Variants in FHIT observed in about 807,000 individuals in gnomAD.
FHIT encodes fragile histidine triad diadenosine triphosphatase.
In FHIT, 19 loss-of-function variants were observed where a neutral mutation model predicts 17.9. The ratio of observed to expected loss-of-function variants is 1.06; its 90% CI spans 0.74 to 1.56. The LOEUF is 1.56. Ranked by LOEUF, FHIT falls within the 40% of genes most tolerant of loss-of-function variation. The pLI, the probability that FHIT is intolerant of heterozygous loss-of-function variation, is 0.00. For missense variants in FHIT, 248 were observed against 189.2 expected (o/e 1.31, Z -1.82); for synonymous variants, 81 against 69.7 (o/e 1.16, Z -0.81).
At chr3:60,680,412 T>A (rs2040718995) in intron 4 of FHIT, among the ~76,000 whole-genome samples, 1 of 152,190 alleles carries the variant, frequency 6.6e-6, no homozygotes, top group Non-Finnish European at 1.5e-5. Context: ...TTCTGATTAC[T>A]TGTTTGTATT....
At chr3:60,199,560 G>T (rs890697330) in intron 5 of FHIT, among the ~76,000 whole-genome samples, 4 of 152,002 alleles carry the variant, frequency 2.6e-5, no homozygotes, top group Non-Finnish European at 5.9e-5. Flanking sequence ...AATGAAGAGG[G>T]GTAATAGCGA....
At chr3:59,918,394 A>G (rs1247052497) in intron 8 of FHIT, among the ~76,000 whole-genome samples, 1 of 152,210 alleles carries the variant, frequency 6.6e-6, no homozygotes, top group Non-Finnish European at 1.5e-5. Flanking sequence ...GTATGGCGAT[A>G]TAGTAGAGTT....
chr3:60,561,224 C>A, intron 4 of FHIT, among the ~76,000 whole-genome samples: 1 of 151,854 alleles, frequency 6.6e-6, no homozygotes, highest in Non-Finnish European at 1.5e-5. Context: ...CAGATAGACG[C>A]TAAGGTAGGA....
intron 4 of FHIT, among the ~76,000 whole-genome samples, chr3:60,736,376 T>TG (rs200807483): frequency 2.0e-5 from 3 of 148,700 alleles, no homozygotes; most frequent in East Asian, 2.0e-4. Context: ...AGCCAAAATG[T>TG]GGGAAAAAAA....
chr3:61,197,997 C>A (rs1011218616), intron 2 of FHIT, among the ~76,000 whole-genome samples: 1 of 152,132 alleles, frequency 6.6e-6, no homozygotes, highest in Non-Finnish European at 1.5e-5. Flanking sequence ...GAACTCTGTA[C>A]TTTTTGTAAT....
At chr3:60,961,586 A>C (rs911470337) in intron 3 of FHIT, among the ~76,000 whole-genome samples, 1 of 152,132 alleles carries the variant, frequency 6.6e-6, no homozygotes, top group Non-Finnish European at 1.5e-5. Context: ...TCTTTAATCC[A>C]CCTTGAATTA....
intron 4 of FHIT, among the ~76,000 whole-genome samples, chr3:60,570,510 T>C (rs867280298): frequency 6.6e-6 from 1 of 152,054 alleles, no homozygotes; most frequent in South Asian, 2.1e-4. Flanking sequence ...ATTACCAAGC[T>C]TCTTGGCCTT....
At chr3:60,725,162 T>G (rs1185739495) in intron 4 of FHIT, among the ~76,000 whole-genome samples, 1 of 152,200 alleles carries the variant, frequency 6.6e-6, no homozygotes, top group Non-Finnish European at 1.5e-5. Context: ...TTGTAAGAAT[T>G]CTTTTTATAT....
intron 5 of FHIT, among the ~76,000 whole-genome samples, chr3:60,152,574 G>C (rs1700512915): frequency 6.6e-6 from 1 of 152,108 alleles, no homozygotes; most frequent in African/African-American, 2.4e-5. Flanking sequence ...TGCCAGTCAA[G>C]GGGAGATTCA....
intron 5 of FHIT, among the ~76,000 whole-genome samples, chr3:60,316,933 C>T (rs975775481): frequency 3.3e-5 from 5 of 152,092 alleles, no homozygotes; most frequent in Admixed American, 2.6e-4. Flanking sequence ...TAGTCCTTTC[C>T]TAATCGATTG....
At chr3:60,696,164 A>C (rs782304795) in intron 4 of FHIT, among the ~76,000 whole-genome samples, 3 of 152,192 alleles carry the variant, frequency 2.0e-5, no homozygotes, top group Non-Finnish European at 4.4e-5. Flanking sequence ...CCATGGCTCT[A>C]TATGTATGAG....
intron 4 of FHIT, among the ~76,000 whole-genome samples, chr3:60,782,231 GTGTGTGTA>G (rs199744848): frequency 2.3e-4 from 21 of 90,026 alleles, no homozygotes; most frequent in Admixed American, 6.8e-4. Flanking sequence ...GTGTGTGTGT[GTGTGTGTA>G]TATATATATA....
At chr3:61,116,001 T>C (rs2036288889) in intron 2 of FHIT, among the ~76,000 whole-genome samples, 1 of 152,112 alleles carries the variant, frequency 6.6e-6, no homozygotes, top group African/African-American at 2.4e-5. Flanking sequence ...TATCATTAAC[T>C]CCTCCACCCT....
intron 5 of FHIT, among the ~76,000 whole-genome samples, chr3:60,311,511 TG>T (rs1442318246): frequency 6.6e-6 from 1 of 152,236 alleles, no homozygotes; most frequent in African/African-American, 2.4e-5. Context: ...AACACAAGAC[TG>T]CTTAATATTC....
At chr3:59,908,853 T>TTTTTTTTTTTTTTTTTTTTG (rs1271629999) in intron 8 of FHIT, among the ~76,000 whole-genome samples, 6 of 150,712 alleles carry the variant, frequency 4.0e-5, no homozygotes, top group African/African-American at 9.7e-5. Flanking sequence ...CATTTTTTAA[T>TTTTTTTTTTTTTTTTTTTTG]AGTCCAACTG....
At chr3:60,377,893 G>C (rs917137081) in intron 5 of FHIT, among the ~76,000 whole-genome samples, 14 of 152,180 alleles carry the variant, frequency 9.2e-5, no homozygotes, top group Non-Finnish European at 1.5e-4. Flanking sequence ...AAACTGAACA[G>C]TACATATGTG....
At chr3:60,744,193 C>T (rs1381010012) in intron 4 of FHIT, among the ~76,000 whole-genome samples, 3 of 140,438 alleles carry the variant, frequency 2.1e-5, no homozygotes, top group Non-Finnish European at 3.0e-5. Flanking sequence ...ACGAAAAACG[C>T]GTTTTCCCTA....
At chr3:60,084,849 T>C (rs1380689079) in intron 5 of FHIT, among the ~76,000 whole-genome samples, 1 of 152,162 alleles carries the variant, frequency 6.6e-6, no homozygotes, top group Non-Finnish European at 1.5e-5. Context: ...ATAGTGACTT[T>C]TTTTTTTCTT....
intron 8 of FHIT, among the ~76,000 whole-genome samples, chr3:59,775,594 G>T (rs1702272239): frequency 6.6e-6 from 1 of 152,120 alleles, no homozygotes; most frequent in Non-Finnish European, 1.5e-5. Context: ...AAAAAAACTT[G>T]TTACCTGGCT....
Sources: gnomAD v4.1 joint callset for allele counts (sites outside exome capture counted in the v4.1 genomes callset) on GRCh38, gnomAD v4.1.1 for gene constraint, MANE v1.5 for transcripts, NCBI Gene and HGNC (gene_info 2026-07-23, HGNC 2026-07-21) for gene names.